TRAIP: variants seen among roughly 807,000 people sequenced by gnomAD.
The protein encoded by TRAIP is E3 ubiquitin-protein ligase TRAIP.
TRAIP carries 37 observed loss-of-function variants against 65.0 expected under a neutral mutation model. The observed-to-expected ratio is 0.57, with a 90% confidence interval of 0.44 to 0.75. The LOEUF (loss-of-function observed/expected upper bound fraction) is 0.75. TRAIP is among the 30% of genes least tolerant of loss of function. The pLI is 0.00. For missense variants in TRAIP, 481 were observed against 579.4 expected, an observed-to-expected ratio of 0.83 and a Z score of 1.74; for synonymous variants, 187 against 219.1, an observed-to-expected ratio of 0.85 and a Z score of 1.29.
intron 3 of TRAIP, among the ~76,000 whole-genome samples, chr3:49,844,971 A>G (rs1575396602): frequency 6.6e-6 from 1 of 152,306 alleles, no homozygotes; most frequent in Non-Finnish European, 1.5e-5. Flanking sequence ...AGGGACACAC[A>G]ATAGGAATGG....
chr3:49,843,836 A>G lies in TRAIP; in HGVS notation c.373T>C (p.Leu125=). Reference sequence around the variant, plus strand: ...GAGCACAGCATCTCGGCCTTGCCCAAGGCCTGCTGCAGAGATACCACAGTA... The same window carrying G: ...GAGCACAGCATCTCGGCCTTGCCCAGGGCCTGCTGCAGAGATACCACAGTA... ...NATVVSLQQA[L]GKAEMLCSTL... Residue 125 remains leucine, a synonymous_variant, in exon 5 of 15, where the codon TTG becomes CTG. Transcript: ENST00000331456. 1 of 1,613,880 alleles carries G rather than the reference A, an allele frequency of 6.2e-7. No homozygotes were observed. The highest frequency in any genetic ancestry group is 8.5e-7 in the Non-Finnish European group (1 of 1,179,724).
rs1356454289 is a variant in TRAIP at position 49,848,159 on chromosome 3, G to A, written c.140C>T (p.Pro47Leu). The change falls in exon 2 of 15, where the codon CCA (proline) becomes CTA (leucine). Residue 47 changes from proline to leucine, a missense_variant. Pro to Leu is a moderately conservative substitution (Grantham distance 98, BLOSUM62 -3). Coordinates refer to ENST00000331456, the MANE Select transcript of TRAIP (RefSeq NM_005879.3). Reference protein sequence around the residue: ...WFETAPSRTCPQCRIQVGKRT... With the variant: ...WFETAPSRTCLQCRIQVGKRT... ...TACTCTCACCTGGATTCGGCACTGT[G>A]GGCAGGTCCGACTTGGTGCTGTCTC... 1 of 1,614,172 alleles carries A rather than the reference G, an allele frequency of 6.2e-7. No homozygotes were observed. Among genetic ancestry groups the A allele is most frequent in the Non-Finnish European group, 8.5e-7 (1 of 1,180,042 alleles).
At chr3:49,847,695 C>T (rs2081897141) in intron 2 of TRAIP, 87 bp from the exon 3 acceptor site, 6 of 859,558 alleles carry the variant, frequency 7.0e-6, no homozygotes, top group Non-Finnish European at 1.1e-5. Flanking sequence ...TGACTACCTG[C>T]CTGACATGCA....
At position 49,832,700 on chromosome 3, in the gene TRAIP, CGGGGGGGGGG is replaced by C. The variant is rs77955232; in HGVS notation, c.885-642_885-633del. Among the ~76,000 whole-genome samples the C allele has an allele frequency of 6.6e-4, 4 of 6,094 alleles. 1 individual carries two copies. The highest frequency in any genetic ancestry group is 2.6e-3 in the African/African-American group (4 of 1,524). 4.0% of individuals were successfully genotyped at this position (6,094 alleles called of 152,430 possible). On this transcript the variant is annotated intron_variant, in intron 10 of 14. Coordinates refer to ENST00000331456, the MANE Select transcript of TRAIP (RefSeq NM_005879.3). ...TGAGTGTGTTTTTACTTTTATAACA[CGGGGGGGGGG>C]GGGGGGTGGGGGGTGGGGAGTGAAG...
In TRAIP at chr3:49,856,525, C is replaced by A; in HGVS notation, c.-72G>T. ...GTCCGGCTTCGTAGACGCGCCCCCG[C>A]GCCTCCGCTTGCTTCAAATTTGGCT... On this transcript the variant is annotated 5_prime_UTR_variant, in exon 1 of 15. Transcript: ENST00000331456. The A allele has an allele frequency of 2.1e-6, 3 of 1,416,630 alleles. No homozygotes were observed. Among genetic ancestry groups the A allele is most frequent in the South Asian group, 1.2e-5 (1 of 80,922 alleles). 87.8% of individuals were successfully genotyped at this position (1,416,630 alleles called of 1,614,324 possible).
At chr3:49,841,780 C>A in intron 7 of TRAIP, 46 bp downstream of exon 7, 1 of 1,538,378 alleles carries the variant, frequency 6.5e-7, no homozygotes. Context: ...GGCTGGGGCC[C>A]CATGGCCTAT....
At chr3:49,844,065 G>T in intron 4 of TRAIP, 137 bp from the exon 5 acceptor site, 4 of 1,238,056 alleles carry the variant, frequency 3.2e-6, no homozygotes, top group Non-Finnish European at 4.4e-6. Context: ...TGGGTGGCCC[G>T]CTTCTTTCTC....
chr3:49,850,552 G>A (rs979405003), intron 1 of TRAIP, among the ~76,000 whole-genome samples: 1 of 150,564 alleles, frequency 6.6e-6, no homozygotes, highest in African/African-American at 2.4e-5. Flanking sequence ...CAAGACAGTA[G>A]CTATCTTAAT....
intron 4 of TRAIP, 44 bp from the exon 5 acceptor site, chr3:49,843,972 ATC>A: frequency 6.4e-7 from 1 of 1,567,930 alleles, no homozygotes; most frequent in Non-Finnish European, 8.7e-7. Flanking sequence ...AGGCCTGTCC[ATC>A]CATCAGCAGA....
chr3:49,841,138 C>G, intron 7 of TRAIP, 66 bp from the exon 8 acceptor site: 1 of 1,368,470 alleles, frequency 7.3e-7, no homozygotes, highest in Non-Finnish European at 1.0e-6. Context: ...AGCCACAGCA[C>G]TAATCTAACA....
At chr3:49,836,829 T>C (rs565326372) in intron 10 of TRAIP, among the ~76,000 whole-genome samples, 2 of 152,154 alleles carry the variant, frequency 1.3e-5, no homozygotes, top group African/African-American at 4.8e-5. Context: ...CCCTGGATAC[T>C]GGAAATGTTC....
chr3:49,840,583 G>GCAGCC, intron 8 of TRAIP: 1 of 579,638 alleles, frequency 1.7e-6, no homozygotes, highest in East Asian at 2.8e-5. Flanking sequence ...CCTGCAGCCT[G>GCAGCC]TGGATGCACC....
At chr3:49,848,040 C>T (rs1553619443) in intron 2 of TRAIP, 103 bp downstream of exon 2, 4 of 1,372,266 alleles carry the variant, frequency 2.9e-6, no homozygotes, top group Non-Finnish European at 2.0e-6. Flanking sequence ...CAGGAGGGTC[C>T]AAAAAAGGTC....
At chr3:49,841,783 T>C (rs749924776) in intron 7 of TRAIP, 43 bp downstream of exon 7, 13 of 1,549,962 alleles carry the variant, frequency 8.4e-6, no homozygotes, top group East Asian at 2.3e-5. Context: ...TGGGGCCCCA[T>C]GGCCTATCTC....
chr3:49,850,966 TTTTC>T (rs2081925866), intron 1 of TRAIP, among the ~76,000 whole-genome samples: 1 of 151,186 alleles, frequency 6.6e-6, no homozygotes, highest in African/African-American at 2.4e-5. Flanking sequence ...CGTTTTCCTG[TTTTC>T]TTTTTTTTTT....
At chr3:49,844,391 C>A in intron 4 of TRAIP, 150 bp downstream of exon 4, 2 of 840,854 alleles carry the variant, frequency 2.4e-6, no homozygotes, top group South Asian at 3.3e-5. Flanking sequence ...CTTTTTCTGC[C>A]CACCACAACA....
rs1052083850 is a variant in TRAIP, at chr3:49,844,594, C to G, written c.241-14G>C. On this transcript the variant is annotated splice_polypyrimidine_tract_variant and intron_variant, in intron 3 of 14. Transcript: ENST00000331456. ...GTCCAGTTCATTCTGAAAGGCAATACCCACAATAAGCAGCAGGAAAGCATC... is the reference window on the plus strand; with the variant it reads ...GTCCAGTTCATTCTGAAAGGCAATAGCCACAATAAGCAGCAGGAAAGCATC... 6.2e-7 allele frequency: 1 copy of G among 1,613,904 alleles called. No individual in the cohort carries two copies. Among genetic ancestry groups the G allele is most frequent in the Non-Finnish European group, 8.5e-7 (1 of 1,179,950 alleles).
Position 49,844,799 on chromosome 3 carries a change from A to G in TRAIP, c.241-219T>C, listed in dbSNP as rs561295826. Among the ~76,000 whole-genome samples the G allele has an allele frequency of 4.6e-5, 7 of 152,374 alleles. No homozygotes were observed. The South Asian group carries it at 1.4e-3, about 32-fold the overall frequency. ...AAAGTAGGTAAGATGGAGGAAAACA[A>G]TCTCAGGGGCAAGGCCCCAGGACAG... On this transcript the variant is annotated intron_variant, in intron 3 of 14. Transcript: ENST00000331456.
chr3:49,847,922 C>A (rs1008248768), intron 2 of TRAIP, among the ~76,000 whole-genome samples: 9 of 152,232 alleles, frequency 5.9e-5, no homozygotes, highest in Non-Finnish European at 1.3e-4. Context: ...CCAAATCTAC[C>A]CAAGTGAAAA....
Sources: allele counts gnomAD v4.1 joint callset (sites outside exome capture counted in the v4.1 genomes callset), GRCh38; gene constraint gnomAD v4.1.1; transcripts MANE v1.5; gene names NCBI Gene and HGNC (gene_info 2026-07-23, HGNC 2026-07-21).